ERICH1: variants seen among roughly 807,000 people sequenced by gnomAD.
ERICH1 encodes the protein glutamate-rich protein 1.
In ERICH1, 56 loss-of-function variants were observed where a neutral mutation model predicts 39.6. That is an observed-to-expected ratio of 1.41 (90% CI 1.14 to 1.77). ERICH1 has a LOEUF of 1.77. Among genes scored for constraint, ERICH1 ranks in the 40% most tolerant of loss-of-function variants. The pLI is 0.00. For synonymous variants in ERICH1, 313 were observed against 223.6 expected, an observed-to-expected ratio of 1.40 and a Z score of -3.57; for missense variants, 826 against 575.4, an observed-to-expected ratio of 1.44 and a Z score of -4.45.
intron 3 of ERICH1, among the ~76,000 whole-genome samples, chr8:622,527 C>A (rs1584936777): frequency 6.6e-6 from 1 of 152,138 alleles, no homozygotes; most frequent in Non-Finnish European, 1.5e-5. Context: ...CTTGGACTGT[C>A]CAGCCTCCAG....
intron 5 of ERICH1, 143 bp downstream of exon 5, chr8:668,455 T>C: frequency 1.3e-6 from 1 of 753,050 alleles, no homozygotes; most frequent in South Asian, 1.7e-5. Flanking sequence ...CCTGTTTCTC[T>C]CTGGGACTCT....
At chr8:688,145 G>A (rs1234122496) in intron 3 of ERICH1, among the ~76,000 whole-genome samples, 1 of 152,170 alleles carries the variant, frequency 6.6e-6, no homozygotes, top group African/African-American at 2.4e-5. Flanking sequence ...CAACCCAGGC[G>A]GGGCAAGTGC....
At chr8:663,446 C>T (rs558252822), downstream of ERICH1, among the ~76,000 whole-genome samples, 6 of 152,260 alleles carry the variant, frequency 3.9e-5, no homozygotes, top group East Asian at 1.2e-3. Context: ...CGTCACCAGG[C>T]GACCGTGCAG....
intron 3 of ERICH1, among the ~76,000 whole-genome samples, chr8:656,599 G>C (rs921416844): frequency 6.6e-6 from 1 of 152,196 alleles, no homozygotes; most frequent in East Asian, 1.9e-4. Context: ...TTCGCATTGA[G>C]GCTGAAATCA....
chr8:651,147 T>C (rs1037600534), intron 3 of ERICH1, among the ~76,000 whole-genome samples: 1 of 152,198 alleles, frequency 6.6e-6, no homozygotes, highest in Non-Finnish European at 1.5e-5. Context: ...TTCAGTTAAG[T>C]TGAATTAGAC....
intron 2 of ERICH1, among the ~76,000 whole-genome samples, chr8:708,694 T>TTTTTTTTTTG (rs1813967535): frequency 6.2e-5 from 8 of 128,318 alleles, no homozygotes; most frequent in Admixed American, 1.6e-4. Context: ...TTTTTTTTTT[T>TTTTTTTTTTG]TTTTTTTTTT....
chr8:727,497 C>G (rs1819048706), intron 1 of ERICH1, among the ~76,000 whole-genome samples: 1 of 152,242 alleles, frequency 6.6e-6, no homozygotes, highest in East Asian at 1.9e-4. Context: ...TGAGGAGTCT[C>G]AGGAAGACAG....
intron 3 of ERICH1, among the ~76,000 whole-genome samples, chr8:616,928 GAC>G (rs1436829036): frequency 0.21 from 11,666 of 55,892 alleles, 3,436 homozygotes; most frequent in East Asian, 0.7. Flanking sequence ...GACAGAAAGA[GAC>G]AGAGAGAGAG....
At chr8:679,892 CAG>C (rs1364880224) in intron 3 of ERICH1, among the ~76,000 whole-genome samples, 2 of 133,466 alleles carry the variant, frequency 1.5e-5, no homozygotes, top group Admixed American at 7.5e-5. Context: ...CCTGTGAACA[CAG>C]AAGATGCAAG....
downstream of ERICH1, among the ~76,000 whole-genome samples, chr8:660,369 C>T (rs1336006340): frequency 4.6e-5 from 7 of 152,208 alleles, no homozygotes; most frequent in African/African-American, 1.7e-4. Context: ...TTCTCCATAC[C>T]AGAAGATTCT....
rs1379365421 is a variant in ERICH1 at position 724,993 on chromosome 8, G to T, written c.22+6147C>A. 3.3e-5 allele frequency among the ~76,000 whole-genome samples: 5 copies of T among 152,186 alleles called. No homozygotes were observed. The East Asian group carries it at 9.7e-4, about 29-fold the overall frequency. On this transcript the variant is annotated intron_variant, in intron 1 of 5. Coordinates refer to ENST00000262109, the MANE Select transcript of ERICH1 (RefSeq NM_207332.3). ...CGAAGGACCATGTGGTCCTTTTCGG[G>T]TGCTGTGGTTTCTCGTCCCACACCC... is the stretch of plus-strand genomic sequence containing the variant.
At chr8:640,117 C>G (rs537632854) in intron 3 of ERICH1, among the ~76,000 whole-genome samples, 1 of 152,138 alleles carries the variant, frequency 6.6e-6, no homozygotes, top group African/African-American at 2.4e-5. Context: ...GAAATACTTG[C>G]CTGAGACATG....
intron 2 of ERICH1, among the ~76,000 whole-genome samples, chr8:693,140 C>A (rs1809309257): frequency 6.6e-6 from 1 of 151,788 alleles, no homozygotes; most frequent in Non-Finnish European, 1.5e-5. Context: ...CACACAGATA[C>A]AAACAGACAC....
intron 3 of ERICH1, among the ~76,000 whole-genome samples, chr8:654,347 A>T (rs907326522): frequency 1.3e-5 from 2 of 152,112 alleles, no homozygotes; most frequent in Non-Finnish European, 2.9e-5. Context: ...GATGGCCAGG[A>T]AGCTCCTTCA....
chr8:706,157 A>C lies in ERICH1; in HGVS notation c.169+9704T>G, dbSNP rs1398182645. On this transcript the variant is annotated intron_variant, in intron 2 of 5. Coordinates refer to ENST00000262109, the MANE Select transcript of ERICH1 (RefSeq NM_207332.3). ...TCCACTGTCTAGTGTGTGTAAGCGC[A>C]CTTTGCTCACACAGCAATGGACTCC... 3.3e-5 allele frequency among the ~76,000 whole-genome samples: 5 copies of C among 152,336 alleles called. No homozygotes were observed. The East Asian group carries it at 9.6e-4, about 29-fold the overall frequency.
intron 3 of ERICH1, among the ~76,000 whole-genome samples, chr8:675,176 G>A (rs1362658622): frequency 3.4e-5 from 2 of 59,466 alleles, no homozygotes; most frequent in African/African-American, 1.2e-4. Flanking sequence ...GAGACGCGGC[G>A]GCCCCTCGTG....
At chr8:685,005 T>G (rs760118381) in intron 3 of ERICH1, among the ~76,000 whole-genome samples, 4 of 152,106 alleles carry the variant, frequency 2.6e-5, no homozygotes, top group Non-Finnish European at 5.9e-5. Context: ...GATAACAGGG[T>G]TCAAGAGCAG....
chr8:663,768 T>A (rs1205710845), downstream of ERICH1, among the ~76,000 whole-genome samples: 1 of 152,196 alleles, frequency 6.6e-6, no homozygotes, highest in Non-Finnish European at 1.5e-5. Context: ...GTTTTTTTTT[T>A]TTTTATTTTG....
chr8:670,032 C>A (rs1802935774), intron 4 of ERICH1, among the ~76,000 whole-genome samples: 1 of 152,172 alleles, frequency 6.6e-6, no homozygotes, highest in Non-Finnish European at 1.5e-5. Context: ...ACTTCCCACT[C>A]CATGTCTGCC....
Sources: allele counts gnomAD v4.1 joint callset (sites outside exome capture counted in the v4.1 genomes callset), GRCh38; gene constraint gnomAD v4.1.1; transcripts MANE v1.5; gene names NCBI Gene and HGNC (gene_info 2026-07-23, HGNC 2026-07-21).